The following TRPM2 variants were observed in gnomAD, a reference collection of about 807,000 sequenced individuals.
The protein encoded by TRPM2 is transient receptor potential cation channel subfamily M member 2.
A neutral mutation model predicts 174.0 loss-of-function variants in TRPM2; 161 were observed. That is an observed-to-expected ratio of 0.93 (90% CI 0.81 to 1.05). The LOEUF is 1.05. TRPM2 is among the 50% of genes least tolerant of loss of function. The probability of loss-of-function intolerance (pLI) is 0.00; values close to 1 mark genes in which losing one functional copy is unlikely to be tolerated. For missense variants in TRPM2, 2,057 were observed against 2,038.0 expected, an observed-to-expected ratio of 1.01 and a Z score of -0.18; for synonymous variants, 954 against 861.3, an observed-to-expected ratio of 1.11 and a Z score of -1.88.
chr21:44,376,067 A>G lies in TRPM2; in HGVS notation c.952+54A>G. 1 of 1,583,474 alleles carries G rather than the reference A, an allele frequency of 6.3e-7. No homozygotes were observed. The highest frequency in any genetic ancestry group is 8.6e-7 in the Non-Finnish European group (1 of 1,160,830). The stretch of plus-strand genomic sequence containing the variant: ...GGGCAGAGAGCACAGTGGGCTGGTC[A>G]GAGTGTCAGGTACAGCTGGTCACGA... On this transcript the variant is annotated intron_variant, in intron 6 of 31. Transcript: ENST00000397928. This position sits in a 1 kb window ranked among gnomAD's most constrained non-coding sequence, Gnocchi z 4.2.
chr21:44,391,235 C>T lies in TRPM2; in HGVS notation c.1441-37C>T. The stretch of plus-strand genomic sequence containing the variant: ...AGATCAGGATGACATGGGGTGATGA[C>T]CAAATGCAACCGTCACTGCACAATG... On this transcript the variant is annotated intron_variant, in intron 10 of 31. Coordinates refer to ENST00000397928, the MANE Select transcript of TRPM2 (RefSeq NM_003307.4). The surrounding 1 kb of genome is among the most constrained non-coding windows in gnomAD (Gnocchi z 5.0). 1.3e-6 allele frequency: 2 copies of T among 1,582,852 alleles called. No homozygotes were observed. The highest frequency in any genetic ancestry group is 2.3e-5 in the South Asian group (2 of 87,126).
intron 2 of TRPM2, among the ~76,000 whole-genome samples, chr21:44,362,348 C>CAAAAAAAAAAAAAAAAAAA (rs57031573): frequency 1.3e-3 from 118 of 89,128 alleles, no homozygotes; most frequent in Non-Finnish European, 1.5e-3. Context: ...ACTAAAAATA[C>CAAAAAAAAAAAAAAAAAAA]AAAAAAAAAA....
In TRPM2 at chr21:44,425,440, G is replaced by T. The variant is rs1336396296; in HGVS notation, c.3638-230G>T. Reference sequence around the variant, plus strand: ...ATTGCCGAGGGCCCTGACTGCCGCTGCACAAAGAGGCAGGTGCCGGCGGGG... The same window carrying T: ...ATTGCCGAGGGCCCTGACTGCCGCTTCACAAAGAGGCAGGTGCCGGCGGGG... On this transcript the variant is annotated intron_variant, in intron 24 of 31. Coordinates refer to ENST00000397928, the MANE Select transcript of TRPM2 (RefSeq NM_003307.4). 2.8e-5 allele frequency: 13 copies of T among 470,586 alleles called. No homozygotes were observed. The South Asian group carries it at 5.2e-4, about 19-fold the overall frequency. The allele number at this position is 470,586 out of a possible 1,614,324, so 29.2% of individuals were successfully genotyped here. A position where few individuals can be genotyped will look rare whatever the true frequency, so the allele number is the denominator to read the frequency against.
intron 2 of TRPM2, among the ~76,000 whole-genome samples, chr21:44,361,776 C>T (rs1039867494): frequency 5.3e-5 from 8 of 152,066 alleles, no homozygotes; most frequent in South Asian, 2.1e-4. Context: ...GGCACGATCT[C>T]GGCTCATTAC....
intron 20 of TRPM2, 23 bp from the exon 21 acceptor site, chr21:44,417,904 T>C (rs1226715344): frequency 1.2e-6 from 2 of 1,602,318 alleles, no homozygotes; most frequent in African/African-American, 2.7e-5. Flanking sequence ...GACCTCGAGG[T>C]GTTGCTTTCT....
Position 44,382,820 on chromosome 21 carries a change from G to A in TRPM2, c.1318G>A (p.Ala440Thr), listed in dbSNP as rs557330721. 1 of 1,612,370 alleles carries A rather than the reference G, an allele frequency of 6.2e-7. No individual in the cohort carries two copies. Among genetic ancestry groups the A allele is most frequent in the African/African-American group, 1.3e-5 (1 of 74,892 alleles). The change falls in exon 9 of 32, where the codon GCC becomes ACC. Residue 440 changes from alanine (A) to threonine (T), a missense_variant and splice_region_variant. Physicochemically the swap from Ala to Thr is moderately conservative, Grantham distance 58 (BLOSUM62 0). Coordinates refer to ENST00000397928, the MANE Select transcript of TRPM2 (RefSeq NM_003307.4). ...GGCCATCTTGCAGGCCTTGCTGAAA[G>A]GTGAGGGTCAGGGAACATGGGGGCA... The part of the protein sequence containing the change: ...DVAILQALLK[A>T]SRSQDHFGHE...
At chr21:44,360,613 C>T (rs970675975) in intron 2 of TRPM2, among the ~76,000 whole-genome samples, 1 of 148,120 alleles carries the variant, frequency 6.8e-6, no homozygotes, top group Non-Finnish European at 1.5e-5. Context: ...GCTGCCCAGG[C>T]TGGAGTGCAG....
At chr21:44,368,850 G>T (rs531914008) in intron 4 of TRPM2, among the ~76,000 whole-genome samples, 2 of 152,298 alleles carry the variant, frequency 1.3e-5, no homozygotes, top group African/African-American at 4.8e-5. Flanking sequence ...GCACTCTGCC[G>T]CACCTGGGTC....
intron 9 of TRPM2, among the ~76,000 whole-genome samples, chr21:44,383,500 A>G (rs1027546399): frequency 2.0e-5 from 3 of 152,234 alleles, no homozygotes; most frequent in African/African-American, 7.2e-5. Context: ...TTTGTGATAA[A>G]GGCCAGACTT....
At chr21:44,396,636 CTGTGGAGGGG>C (rs1384368674) in intron 12 of TRPM2, among the ~76,000 whole-genome samples, 1 of 8,186 alleles carries the variant, frequency 1.2e-4, no homozygotes, top group Non-Finnish European at 2.3e-4. Context: ...GTGTGGAGGG[CTGTGGAGGGG>C]TGTGGAGGGG....
At chr21:44,384,129 AAAG>A (rs2048957002) in intron 9 of TRPM2, among the ~76,000 whole-genome samples, 1 of 152,176 alleles carries the variant, frequency 6.6e-6, no homozygotes, top group African/African-American at 2.4e-5. Flanking sequence ...AAGAAAAAAG[AAAG>A]AAGATTCATA....
intron 8 of TRPM2, among the ~76,000 whole-genome samples, chr21:44,382,281 A>G (rs1370828368): frequency 6.6e-6 from 1 of 152,224 alleles, no homozygotes; most frequent in Non-Finnish European, 1.5e-5. Flanking sequence ...AGATGGATAG[A>G]TAGATCAGAT....
intron 11 of TRPM2, among the ~76,000 whole-genome samples, chr21:44,393,718 T>C (rs2049252272): frequency 6.6e-6 from 1 of 152,046 alleles, no homozygotes; most frequent in Admixed American, 6.6e-5. Context: ...CTTTTCTGAT[T>C]ATTTTTCTGT....
At chr21:44,359,574 A>G (rs771844348) in intron 2 of TRPM2, among the ~76,000 whole-genome samples, 9 of 147,202 alleles carry the variant, frequency 6.1e-5, no homozygotes, top group Non-Finnish European at 1.3e-4. Context: ...TTCAGGTTTC[A>G]TCTGGTTTTA....
At position 44,375,815 on chromosome 21, in the gene TRPM2, G is replaced by A. The variant is rs373541171; in HGVS notation, c.772-18G>A. 1.6e-5 allele frequency: 25 copies of A among 1,600,690 alleles called. No homozygotes were observed. The highest frequency in any genetic ancestry group is 6.7e-5 in the Admixed American group (4 of 59,554). ...GAGCTTTCCAGAAGCAGTGTCTGAC[G>A]CTTCCTGGCCATCCCAGGGCAGCTT... On this transcript the variant is annotated intron_variant, in intron 5 of 31. Coordinates refer to ENST00000397928, the MANE Select transcript of TRPM2 (RefSeq NM_003307.4).
chr21:44,384,336 C>T (rs139008724), intron 9 of TRPM2, among the ~76,000 whole-genome samples: 2 of 152,154 alleles, frequency 1.3e-5, no homozygotes, highest in African/African-American at 4.8e-5. Flanking sequence ...ACTGACCATC[C>T]TTGCCTTCCC....
intron 13 of TRPM2, among the ~76,000 whole-genome samples, chr21:44,398,548 C>T (rs1418621620): frequency 3.3e-5 from 5 of 151,980 alleles, no homozygotes; most frequent in African/African-American, 7.3e-5. Context: ...GGCCAGGCAG[C>T]GGGGAGTACT....
chr21:44,354,554 T>C lies in TRPM2; in HGVS notation c.166-94T>C, dbSNP rs2146107056. On this transcript the variant is annotated intron_variant, in intron 1 of 31. Coordinates refer to ENST00000397928, the MANE Select transcript of TRPM2 (RefSeq NM_003307.4). This position sits in a 1 kb window ranked among gnomAD's most constrained non-coding sequence, Gnocchi z 4.3. ...GCTTCCTTCCTTCAAGCAAATAGTG[T>C]GAAAGCTCCTCAAGGAGCTCAGATG... The C allele has an allele frequency of 8.8e-7, 1 of 1,138,466 alleles. No homozygotes were observed. Among genetic ancestry groups the C allele is most frequent in the Non-Finnish European group, 1.3e-6 (1 of 756,024 alleles). The allele number at this position is 1,138,466 out of a possible 1,614,324, so 70.5% of individuals were successfully genotyped here.
chr21:44,350,253 G>T (rs1490477858), upstream of TRPM2: 5 of 151,936 alleles, frequency 3.3e-5, no homozygotes, highest in East Asian at 9.7e-4. Flanking sequence ...GGGTGACGCC[G>T]GGGCGCGGGC....
Sources: allele counts gnomAD v4.1 joint callset (sites outside exome capture counted in the v4.1 genomes callset), GRCh38; gene constraint gnomAD v4.1.1; non-coding constraint Gnocchi (gnomAD v3.1); transcripts MANE v1.5; gene names NCBI Gene and HGNC (gene_info 2026-07-23, HGNC 2026-07-21).